TUFT1: variants seen among roughly 807,000 people sequenced by gnomAD.
TUFT1 encodes tuftelin 1.
In TUFT1, 43 loss-of-function variants were observed where a neutral mutation model predicts 57.8. That is an observed-to-expected ratio of 0.74 (90% CI 0.58 to 0.96). The LOEUF (loss-of-function observed/expected upper bound fraction) is 0.96. Among genes scored for constraint, TUFT1 ranks in the 40% least tolerant of loss-of-function variants. The probability of loss-of-function intolerance (pLI) is 0.00; values close to 1 mark genes in which losing one functional copy is unlikely to be tolerated. For missense variants in TUFT1, 459 were observed against 489.0 expected (o/e 0.94, Z 0.58); for synonymous variants, 166 against 176.7 (o/e 0.94, Z 0.48).
chr1:151,569,592 G>A lies in TUFT1; in HGVS notation c.481-65G>A, dbSNP rs537099870. On this transcript the variant is annotated intron_variant, in intron 6 of 12. Coordinates refer to ENST00000368849, the MANE Select transcript of TUFT1 (RefSeq NM_020127.3). ...CCAAACCAGTGTGTGCCTGGGAGGG[G>A]GGACCTTTTCTTACTGAGTCAGAAA... 7 of 1,340,168 alleles carry A rather than the reference G, an allele frequency of 5.2e-6. No homozygotes were observed. In the African/African-American group the frequency reaches 5.8e-5, roughly 11 times the overall value. The allele number at this position is 1,340,168 out of a possible 1,614,324, so 83.0% of individuals were successfully genotyped here. A position where few individuals can be genotyped will look rare whatever the true frequency, so the allele number is the denominator to read the frequency against.
At chr1:151,565,663 G>A (rs753317234) in intron 5 of TUFT1, among the ~76,000 whole-genome samples, 3 of 152,170 alleles carry the variant, frequency 2.0e-5, no homozygotes, top group Non-Finnish European at 4.4e-5. Flanking sequence ...GAATAATCAG[G>A]CTTTGGGTCA....
chr1:151,544,838 C>T (rs1665281941), intron 1 of TUFT1, among the ~76,000 whole-genome samples: 1 of 152,114 alleles, frequency 6.6e-6, no homozygotes, highest in African/African-American at 2.4e-5. Flanking sequence ...AAATAATATG[C>T]TTACAGTGAT....
intron 4 of TUFT1, among the ~76,000 whole-genome samples, 165 bp from the exon 5 acceptor site, chr1:151,564,360 C>T (rs548270744): frequency 6.6e-6 from 1 of 152,292 alleles, no homozygotes; most frequent in South Asian, 2.1e-4. Flanking sequence ...ACAAGAATGT[C>T]AGCTGTAGCT....
intron 1 of TUFT1, among the ~76,000 whole-genome samples, chr1:151,552,658 C>G (rs34589182): frequency 7.1e-6 from 1 of 141,008 alleles, no homozygotes; most frequent in African/African-American, 2.7e-5. Flanking sequence ...GAGCCGAGAT[C>G]GTGCCACTGC....
At chr1:151,552,224 A>G (rs1035503989) in intron 1 of TUFT1, among the ~76,000 whole-genome samples, 5 of 152,192 alleles carry the variant, frequency 3.3e-5, no homozygotes, top group Non-Finnish European at 5.9e-5. Context: ...TTGTATGAAT[A>G]TATTACAATT....
intron 9 of TUFT1, among the ~76,000 whole-genome samples, chr1:151,577,684 T>A (rs1217335621): frequency 6.6e-6 from 1 of 152,112 alleles, no homozygotes; most frequent in Admixed American, 6.6e-5. Flanking sequence ...ATTCTGTCTT[T>A]CTCCTCCAAA....
At chr1:151,580,661 C>CA (rs10714430) in intron 11 of TUFT1, among the ~76,000 whole-genome samples, 4,341 of 71,686 alleles carry the variant, frequency 0.061, 399 homozygotes, top group East Asian at 0.36. Flanking sequence ...GACCCTATCT[C>CA]AAAAAAAAAA....
chr1:151,551,524 C>T (rs989636727), intron 1 of TUFT1, among the ~76,000 whole-genome samples: 2 of 151,834 alleles, frequency 1.3e-5, no homozygotes, highest in Admixed American at 1.3e-4. Flanking sequence ...GGATAAGGGT[C>T]GGACCCTCAG....
chr1:151,552,647 T>C (rs1294413488), intron 1 of TUFT1, among the ~76,000 whole-genome samples: 1 of 128,222 alleles, frequency 7.8e-6, no homozygotes, highest in Non-Finnish European at 1.5e-5. Context: ...GAGGTTGCAG[T>C]GAGCCGAGAT....
chr1:151,580,431 C>T (rs1049631095), intron 11 of TUFT1, among the ~76,000 whole-genome samples: 4 of 151,972 alleles, frequency 2.6e-5, no homozygotes, highest in Admixed American at 1.3e-4. Flanking sequence ...GAGGTTGAGG[C>T]GGTAGGATTG....
chr1:151,551,248 A>G (rs948044796), intron 1 of TUFT1, among the ~76,000 whole-genome samples: 4 of 152,032 alleles, frequency 2.6e-5, no homozygotes, highest in African/African-American at 7.3e-5. Context: ...CTAGTATTCC[A>G]TACTGCTTCT....
At chr1:151,563,100 G>A (rs941804114) in intron 3 of TUFT1, among the ~76,000 whole-genome samples, 1 of 152,012 alleles carries the variant, frequency 6.6e-6, no homozygotes, top group Non-Finnish European at 1.5e-5. Context: ...CCCTGGGCTG[G>A]TCTCCAAATC....
rs868576796 is a variant in TUFT1, at chr1:151,581,818, C to A, written c.*111C>A. 2.6e-6 allele frequency: 3 copies of A among 1,168,498 alleles called. No homozygotes were observed. The highest frequency in any genetic ancestry group is 1.9e-5 in the Admixed American group (1 of 52,230). The allele number at this position is 1,168,498 out of a possible 1,614,324, so 72.4% of individuals were successfully genotyped here. A position where few individuals can be genotyped will look rare whatever the true frequency, so the allele number is the denominator to read the frequency against. On this transcript the variant is annotated 3_prime_UTR_variant, in exon 13 of 13. Coordinates refer to ENST00000368849, the MANE Select transcript of TUFT1 (RefSeq NM_020127.3). Reference sequence around the variant, plus strand: ...ACTTCCTGACTGTCCCCTGGCTGCACCCAGGACTTCGGGCTCCTGTGTCTC... The same window carrying A: ...ACTTCCTGACTGTCCCCTGGCTGCAACCAGGACTTCGGGCTCCTGTGTCTC...
At chr1:151,563,334 C>T (rs1012742436) in intron 3 of TUFT1, among the ~76,000 whole-genome samples, 2 of 151,888 alleles carry the variant, frequency 1.3e-5, no homozygotes, top group Non-Finnish European at 2.9e-5. Context: ...TGCATAACAA[C>T]GTTTTGGTCA....
intron 1 of TUFT1, among the ~76,000 whole-genome samples, chr1:151,542,386 T>TA (rs1318992249): frequency 2.1e-5 from 3 of 144,964 alleles, no homozygotes; most frequent in Non-Finnish European, 3.0e-5. Context: ...CACACCTGAC[T>TA]AAAATTTTTT....
intron 1 of TUFT1, among the ~76,000 whole-genome samples, chr1:151,561,261 G>T (rs1665878290): frequency 1.3e-5 from 2 of 152,090 alleles, no homozygotes; most frequent in African/African-American, 4.8e-5. Flanking sequence ...GCCTCCCAAA[G>T]TGCTGGGATT....
chr1:151,567,934 T>C (rs1200543011), intron 6 of TUFT1, among the ~76,000 whole-genome samples: 1 of 152,198 alleles, frequency 6.6e-6, no homozygotes, highest in South Asian at 2.1e-4. Flanking sequence ...ATTTGGAAAA[T>C]TCAGAAACAC....
At position 151,554,586 on chromosome 1, in the gene TUFT1, G is replaced by C. The variant is rs945897769; in HGVS notation, c.61-7505G>C. On this transcript the variant is annotated intron_variant, in intron 1 of 12. Coordinates refer to ENST00000368849, the MANE Select transcript of TUFT1 (RefSeq NM_020127.3). The stretch of plus-strand genomic sequence containing the variant: ...GGCTAATTTTTGTATTTTTAGTAGA[G>C]ATGGGGTTTCAACATGTTGGCCAGG... Among the ~76,000 whole-genome samples, 12 of 150,808 alleles carry C rather than the reference G, an allele frequency of 8.0e-5. No homozygotes were observed. The East Asian group carries it at 2.3e-3, about 29-fold the overall frequency.
chr1:151,572,778 C>T (rs1420291064), intron 7 of TUFT1, among the ~76,000 whole-genome samples: 1 of 152,200 alleles, frequency 6.6e-6, no homozygotes, highest in African/African-American at 2.4e-5. Context: ...CTGGACATGG[C>T]TGGTGTGTAG....
Sources: gnomAD v4.1 joint callset for allele counts (sites outside exome capture counted in the v4.1 genomes callset) on GRCh38, gnomAD v4.1.1 for gene constraint, MANE v1.5 for transcripts, NCBI Gene and HGNC (gene_info 2026-07-23, HGNC 2026-07-21) for gene names.